RBM6: variants seen among roughly 807,000 people sequenced by gnomAD.
The protein encoded by RBM6 is RNA binding motif protein 6.
RBM6 carries 23 observed loss-of-function variants against 140.4 expected under a neutral mutation model. The observed-to-expected ratio is 0.16, with a 90% CI of 0.12 to 0.23. The LOEUF (loss-of-function observed/expected upper bound fraction) is 0.23. Ranked by LOEUF, RBM6 falls within the 10% of genes least tolerant of loss-of-function variation. RBM6 has a pLI of 1.00. For synonymous variants in RBM6, 439 were observed against 475.6 expected (o/e 0.92, Z 1.00); for missense variants, 1,139 against 1,386.7 (o/e 0.82, Z 2.84).
intron 6 of RBM6, among the ~76,000 whole-genome samples, chr3:50,044,861 A>G (rs1007523787): frequency 6.6e-6 from 1 of 152,222 alleles, no homozygotes; most frequent in African/African-American, 2.4e-5. Flanking sequence ...TTATTAAACA[A>G]TTGGCTATAT....
chr3:50,009,071 C>T lies in RBM6; in HGVS notation c.1557+9558C>T, dbSNP rs139006187. On this transcript the variant is annotated intron_variant, in intron 6 of 20. Coordinates refer to ENST00000266022, the MANE Select transcript of RBM6 (RefSeq NM_005777.3). The stretch of plus-strand genomic sequence containing the variant: ...CTCATTTTCCCTGGCTCCTTATCCA[C>T]CTCTTGGGATTCAGAGTTGGCTGAA... 3.4e-3 allele frequency among the ~76,000 whole-genome samples: 516 copies of T among 152,312 alleles called. 3 individuals are homozygous for T. The highest frequency in any genetic ancestry group is 0.012 in the African/African-American group (490 of 41,572).
chr3:49,962,585 T>A lies in RBM6; in HGVS notation c.-57T>A, dbSNP rs1427933468. The A allele has an allele frequency of 6.0e-6, 9 of 1,498,210 alleles. No homozygotes were observed. Among genetic ancestry groups the A allele is most frequent in the Non-Finnish European group, 8.2e-6 (9 of 1,097,488 alleles). 92.8% of individuals were successfully genotyped at this position (1,498,210 alleles called of 1,614,324 possible). A position where few individuals can be genotyped will look rare whatever the true frequency, so the allele number is the denominator to read the frequency against. ...GGTTTATTTTGTACAGGTACTGCTA[T>A]AACCAGAATTTGGTAGAAAAAGGAT... is the stretch of plus-strand genomic sequence containing the variant. On this transcript the variant is annotated 5_prime_UTR_variant, in exon 2 of 21. Transcript: ENST00000266022.
intron 5 of RBM6, among the ~76,000 whole-genome samples, chr3:49,983,125 G>GT (rs2085388534): frequency 6.6e-6 from 1 of 152,200 alleles, no homozygotes; most frequent in Non-Finnish European, 1.5e-5. Context: ...GATTACAAGT[G>GT]TAAGACACTG....
At chr3:49,975,277 TTTGA>T in intron 4 of RBM6, 42 bp from the exon 5 acceptor site, 1 of 1,429,154 alleles carries the variant, frequency 7.0e-7, no homozygotes, top group Non-Finnish European at 9.9e-7. Context: ...ATATTCAGTG[TTTGA>T]TTATGATTTG....
At position 50,031,206 on chromosome 3, in the gene RBM6, A is replaced by C. The variant is rs199738828; in HGVS notation, c.1558-17039A>C. On this transcript the variant is annotated intron_variant, in intron 6 of 20. Coordinates refer to ENST00000266022, the MANE Select transcript of RBM6 (RefSeq NM_005777.3). ...TCAAGGATCTAGAACTAGAAATACC[A>C]TTTGACCCAGCCATCCCATTACTGG... 1.6e-4 allele frequency among the ~76,000 whole-genome samples: 25 copies of C among 152,312 alleles called. No homozygotes were observed. The East Asian group carries it at 3.3e-3, about 20-fold the overall frequency.
intron 5 of RBM6, among the ~76,000 whole-genome samples, chr3:49,984,371 C>CG (rs1383977151): frequency 6.6e-6 from 1 of 152,138 alleles, no homozygotes; most frequent in East Asian, 1.9e-4. Flanking sequence ...CTTTGGGAGG[C>CG]CGAGATGGGT....
intron 19 of RBM6, 84 bp downstream of exon 19, chr3:50,070,636 G>A: frequency 1.0e-6 from 1 of 968,400 alleles, no homozygotes; most frequent in Middle Eastern, 2.1e-4. Flanking sequence ...GCTGTTTTCT[G>A]TCTCAGGGAG....
At chr3:49,945,809 G>A (rs1324352306) in intron 1 of RBM6, among the ~76,000 whole-genome samples, 1 of 148,324 alleles carries the variant, frequency 6.7e-6, no homozygotes, top group African/African-American at 2.5e-5. Context: ...GTGAACCCGG[G>A]AGGCACAGCT....
At chr3:50,013,614 G>T (rs1482267197) in intron 6 of RBM6, among the ~76,000 whole-genome samples, 1 of 152,156 alleles carries the variant, frequency 6.6e-6, no homozygotes, top group African/African-American at 2.4e-5. Context: ...GTTGCAGTGA[G>T]CCCAGATTTC....
chr3:49,953,703 A>G (rs1359618494), intron 1 of RBM6, among the ~76,000 whole-genome samples: 1 of 151,568 alleles, frequency 6.6e-6, no homozygotes, highest in Non-Finnish European at 1.5e-5. Flanking sequence ...TATTTTTAGT[A>G]GAGACGGGGT....
At chr3:49,948,906 C>G (rs543223155) in intron 1 of RBM6, among the ~76,000 whole-genome samples, 2 of 142,638 alleles carry the variant, frequency 1.4e-5, no homozygotes, top group South Asian at 4.6e-4. Context: ...TCTTGGCTCA[C>G]TGCAACCTCT....
chr3:50,037,641 T>C (rs1381433778), intron 6 of RBM6, among the ~76,000 whole-genome samples: 3 of 152,122 alleles, frequency 2.0e-5, no homozygotes, highest in Non-Finnish European at 4.4e-5. Context: ...ATGTCTCTTT[T>C]TATTTTTTTT....
chr3:50,073,507 C>T (rs1264297989), intron 19 of RBM6, among the ~76,000 whole-genome samples: 2 of 152,184 alleles, frequency 1.3e-5, no homozygotes, highest in East Asian at 1.9e-4. Flanking sequence ...TAATCACTTC[C>T]TGAAGTTTCA....
intron 3 of RBM6, among the ~76,000 whole-genome samples, chr3:49,970,128 A>G (rs1487019355): frequency 6.6e-6 from 1 of 152,014 alleles, no homozygotes; most frequent in Non-Finnish European, 1.5e-5. Flanking sequence ...TTTTGTAGAG[A>G]TGAAGTTTAG....
intron 6 of RBM6, among the ~76,000 whole-genome samples, chr3:50,023,249 GT>G (rs1418901149): frequency 6.6e-6 from 1 of 150,924 alleles, no homozygotes; most frequent in Non-Finnish European, 1.5e-5. Context: ...TTCTTTTTCT[GT>G]TTCTTCTTCT....
At chr3:49,948,755 G>C (rs1357169187) in intron 1 of RBM6, among the ~76,000 whole-genome samples, 2 of 149,514 alleles carry the variant, frequency 1.3e-5, no homozygotes, top group Non-Finnish European at 3.0e-5. Flanking sequence ...CCAGGAGGTA[G>C]AGGTTGCAGT....
chr3:50,018,877 C>T (rs2087329960), intron 6 of RBM6, among the ~76,000 whole-genome samples: 1 of 152,094 alleles, frequency 6.6e-6, no homozygotes, highest in Non-Finnish European at 1.5e-5. Context: ...GCGTAAGCCA[C>T]TGCACCCAGC....
At chr3:50,011,197 A>G (rs1277754067) in intron 6 of RBM6, among the ~76,000 whole-genome samples, 1 of 152,024 alleles carries the variant, frequency 6.6e-6, no homozygotes, top group African/African-American at 2.4e-5. Flanking sequence ...TCTAGCCTGA[A>G]TGACAGAGCA....
chr3:50,042,784 T>G (rs972810580), intron 6 of RBM6, among the ~76,000 whole-genome samples: 7 of 152,066 alleles, frequency 4.6e-5, no homozygotes, highest in African/African-American at 7.2e-5. Flanking sequence ...GATGATTGGT[T>G]TTGAGCCAAC....
Sources: gnomAD v4.1 joint callset for allele counts (sites outside exome capture counted in the v4.1 genomes callset) on GRCh38, gnomAD v4.1.1 for gene constraint, MANE v1.5 for transcripts, NCBI Gene and HGNC (gene_info 2026-07-23, HGNC 2026-07-21) for gene names.